Variants in ZDHHC14 observed in about 807,000 individuals in gnomAD.
ZDHHC14 encodes palmitoyltransferase ZDHHC14.
In ZDHHC14, 16 loss-of-function variants were observed where a neutral mutation model predicts 47.7. That is an observed-to-expected ratio of 0.34 (90% CI 0.23 to 0.51). The LOEUF (loss-of-function observed/expected upper bound fraction) is 0.51. Among genes scored for constraint, ZDHHC14 ranks in the 20% least tolerant of loss-of-function variants. The pLI is 0.97. For synonymous variants in ZDHHC14, 293 were observed against 278.9 expected (o/e 1.05, Z -0.50); for missense variants, 515 against 662.5 (o/e 0.78, Z 2.44).
At chr6:157,501,921 T>G (rs979335619) in intron 1 of ZDHHC14, among the ~76,000 whole-genome samples, 1 of 152,216 alleles carries the variant, frequency 6.6e-6, no homozygotes, top group African/African-American at 2.4e-5. Flanking sequence ...GGACTGTGTT[T>G]TAGTCTGGAA....
intron 2 of ZDHHC14, among the ~76,000 whole-genome samples, chr6:157,591,793 A>T (rs951684836): frequency 6.6e-6 from 1 of 152,236 alleles, no homozygotes; most frequent in Non-Finnish European, 1.5e-5. Flanking sequence ...AACCAAAAGT[A>T]TCTTGCAACC....
At chr6:157,480,123 C>A (rs772879842) in intron 1 of ZDHHC14, among the ~76,000 whole-genome samples, 1 of 152,040 alleles carries the variant, frequency 6.6e-6, no homozygotes, top group Non-Finnish European at 1.5e-5. Flanking sequence ...AGCGTTGGAC[C>A]AAGAGAGGAC....
chr6:157,481,483 A>G (rs1035480408), intron 1 of ZDHHC14, among the ~76,000 whole-genome samples: 9 of 151,790 alleles, frequency 5.9e-5, no homozygotes, highest in Admixed American at 1.3e-4. Flanking sequence ...GATCTCCTGC[A>G]CTCCCACCGA....
At chr6:157,391,239 C>T (rs1777413437) in intron 1 of ZDHHC14, among the ~76,000 whole-genome samples, 2 of 152,148 alleles carry the variant, frequency 1.3e-5, no homozygotes, top group African/African-American at 4.8e-5. Flanking sequence ...AGCCTGACTG[C>T]CGGCTTTTTG....
chr6:157,636,488 G>T (rs1400109456), intron 5 of ZDHHC14, among the ~76,000 whole-genome samples: 1 of 152,118 alleles, frequency 6.6e-6, no homozygotes, highest in Non-Finnish European at 1.5e-5. Context: ...TGCTCACAGG[G>T]AGGCTGCCCA....
intron 1 of ZDHHC14, among the ~76,000 whole-genome samples, chr6:157,409,496 C>T (rs981577980): frequency 2.0e-5 from 3 of 152,124 alleles, no homozygotes; most frequent in African/African-American, 4.8e-5. Flanking sequence ...TGGACAAGGG[C>T]GTGACTGCTC....
chr6:157,460,741 G>A (rs1397862324), intron 1 of ZDHHC14, among the ~76,000 whole-genome samples: 1 of 152,188 alleles, frequency 6.6e-6, no homozygotes, highest in African/African-American at 2.4e-5. Flanking sequence ...CAGAAATAAT[G>A]TGACTAACAC....
chr6:157,423,275 G>C (rs987141533), intron 1 of ZDHHC14, among the ~76,000 whole-genome samples: 3 of 152,300 alleles, frequency 2.0e-5, no homozygotes, highest in Non-Finnish European at 4.4e-5. Context: ...TGAAGGAACT[G>C]ACACAGATAT....
At chr6:157,617,501 T>A (rs934389654) in intron 3 of ZDHHC14, among the ~76,000 whole-genome samples, 21 of 152,154 alleles carry the variant, frequency 1.4e-4, no homozygotes, top group Admixed American at 1.2e-3. Flanking sequence ...CAGCTCTCTG[T>A]GCCCAGACGA....
In ZDHHC14 at chr6:157,491,127, C is replaced by G. The variant is rs555577735; in HGVS notation, c.246-51458C>G. Among the ~76,000 whole-genome samples the G allele has an allele frequency of 5.3e-5, 8 of 152,328 alleles. No individual in the cohort carries two copies. In the South Asian group the frequency reaches 1.7e-3, roughly 32 times the overall value. ...TACCAGTGCTTCTGACTGCGTCAGA[C>G]AGTACCCTTCTTGCCCCCGTTTGTC... On this transcript the variant is annotated intron_variant, in intron 1 of 8. Coordinates refer to ENST00000359775, the MANE Select transcript of ZDHHC14 (RefSeq NM_024630.3).
intron 2 of ZDHHC14, among the ~76,000 whole-genome samples, chr6:157,574,598 G>T (rs897020168): frequency 2.6e-5 from 4 of 152,076 alleles, no homozygotes; most frequent in African/African-American, 9.7e-5. Context: ...CCCCTGGACT[G>T]CCCCGGGTTC....
At chr6:157,411,306 C>A (rs1317672317) in intron 1 of ZDHHC14, among the ~76,000 whole-genome samples, 1 of 152,062 alleles carries the variant, frequency 6.6e-6, no homozygotes. Context: ...GGAGAACAGA[C>A]AAATGGTTGC....
chr6:157,555,615 G>A (rs547850917), intron 2 of ZDHHC14, among the ~76,000 whole-genome samples: 118 of 152,276 alleles, frequency 7.7e-4, no homozygotes, highest in African/African-American at 2.6e-3. Flanking sequence ...CCAGCTGGAG[G>A]GCTAGCACGC....
At chr6:157,438,083 G>A (rs758248340) in intron 1 of ZDHHC14, among the ~76,000 whole-genome samples, 4 of 151,986 alleles carry the variant, frequency 2.6e-5, no homozygotes, top group Admixed American at 2.0e-4. Context: ...CAGTTCAGTA[G>A]CATTTATTAT....
chr6:157,516,009 C>T (rs997504824), intron 1 of ZDHHC14, among the ~76,000 whole-genome samples: 8 of 152,128 alleles, frequency 5.3e-5, no homozygotes, highest in Non-Finnish European at 1.0e-4. Context: ...GACCCAAGTC[C>T]CCTGTGTGCC....
rs866247288 is a variant in ZDHHC14, at chr6:157,427,224, C to T, written c.245+44958C>T. ...GTGGAGGGGCAGCTGTGGGAGGGCT[C>T]GCCTCATGCCCTTGGTTTATCTGTG... On this transcript the variant is annotated intron_variant, in intron 1 of 8. Transcript: ENST00000359775. This position sits in a 1 kb window ranked among gnomAD's most constrained non-coding sequence, Gnocchi z 4.4. 2.0e-5 allele frequency among the ~76,000 whole-genome samples: 3 copies of T among 152,034 alleles called. No individual in the cohort carries two copies. Among genetic ancestry groups the T allele is most frequent in the South Asian group, 4.1e-4 (2 of 4,820 alleles).
rs946359494 is a variant in ZDHHC14 at position 157,673,194 on chromosome 6, C to G, written c.*72C>G. On this transcript the variant is annotated 3_prime_UTR_variant, in exon 9 of 9. Transcript: ENST00000359775. This position sits in a 1 kb window ranked among gnomAD's most constrained non-coding sequence, Gnocchi z 5.4. The stretch of plus-strand genomic sequence containing the variant: ...AGCAGGAGTGAGCGGAGGGGTGTGT[C>G]CCACAGCGACTTTCCCAGCCAATGC... The G allele has an allele frequency of 9.6e-6, 14 of 1,461,838 alleles. No homozygotes were observed. The highest frequency in any genetic ancestry group is 2.8e-5 in the Admixed American group (1 of 35,574). 90.6% of individuals were successfully genotyped at this position (1,461,838 alleles called of 1,614,324 possible). A position where few individuals can be genotyped will look rare whatever the true frequency, so the allele number is the denominator to read the frequency against.
chr6:157,579,588 T>C (rs1783443947), intron 2 of ZDHHC14, among the ~76,000 whole-genome samples: 1 of 152,222 alleles, frequency 6.6e-6, no homozygotes, highest in Non-Finnish European at 1.5e-5. Context: ...ACTCTTATCG[T>C]AGAAATCTTT....
chr6:157,647,082 C>T lies in ZDHHC14; in HGVS notation c.856-177C>T, dbSNP rs183375348. ...GTTATTCTTTCCCTATTCTAACCTG[C>T]TGTTTTAGGACATTTCCAAGTTTGG... On this transcript the variant is annotated intron_variant, in intron 6 of 8. Transcript: ENST00000359775. 1.3e-3 allele frequency among the ~76,000 whole-genome samples: 204 copies of T among 152,300 alleles called. 3 individuals are homozygous for T. Among genetic ancestry groups the T allele is most frequent in the African/African-American group, 4.7e-3 (197 of 41,576 alleles).
Sources: allele counts gnomAD v4.1 joint callset (sites outside exome capture counted in the v4.1 genomes callset), GRCh38; gene constraint gnomAD v4.1.1; non-coding constraint Gnocchi (gnomAD v3.1); transcripts MANE v1.5; gene names NCBI Gene and HGNC (gene_info 2026-07-23, HGNC 2026-07-21).